Variants in CCDC91 observed in about 807,000 individuals in gnomAD.
The protein encoded by CCDC91 is coiled-coil domain-containing protein 91.
Under a neutral mutation model 63.2 loss-of-function variants are expected in CCDC91, and 48 were observed. That is an observed-to-expected ratio of 0.76 (90% CI 0.60 to 0.97). The LOEUF (loss-of-function observed/expected upper bound fraction) is 0.97. Ranked by LOEUF, CCDC91 falls within the 50% of genes least tolerant of loss-of-function variation. The probability of loss-of-function intolerance (pLI) is 0.00; values close to 1 mark genes in which losing one functional copy is unlikely to be tolerated. For missense variants in CCDC91, 500 were observed against 494.6 expected (o/e 1.01, Z -0.10); for synonymous variants, 167 against 165.8 (o/e 1.01, Z -0.06).
chr12:28,456,327 A>G (rs1477129835), intron 11 of CCDC91, among the ~76,000 whole-genome samples: 1 of 152,114 alleles, frequency 6.6e-6, no homozygotes, highest in Non-Finnish European at 1.5e-5. Context: ...CTAGGAAGAA[A>G]AAGTTTGGGG....
chr12:28,407,964 A>ATT (rs752189980), intron 8 of CCDC91, among the ~76,000 whole-genome samples: 16 of 127,166 alleles, frequency 1.3e-4, no homozygotes, highest in African/African-American at 4.3e-4. Context: ...ATATATATAT[A>ATT]TTTTTTTTAT....
intron 1 of CCDC91, among the ~76,000 whole-genome samples, chr12:28,246,714 A>G (rs768529183): frequency 6.6e-6 from 1 of 152,198 alleles, no homozygotes; most frequent in South Asian, 2.1e-4. Flanking sequence ...TTTTCAAGAA[A>G]TAGTGATAGA....
chr12:28,356,024 G>A (rs1278463478), intron 6 of CCDC91, among the ~76,000 whole-genome samples: 1 of 151,698 alleles, frequency 6.6e-6, no homozygotes, highest in African/African-American at 2.4e-5. Context: ...TATCATGTGT[G>A]TTTTTTTTCT....
intron 6 of CCDC91, among the ~76,000 whole-genome samples, chr12:28,336,050 T>C (rs1941955991): frequency 7.7e-6 from 1 of 129,318 alleles, no homozygotes; most frequent in African/African-American, 3.3e-5. Context: ...GAGAGTAAAT[T>C]TGAACTACTT....
At chr12:28,353,873 A>G (rs1242790168) in intron 6 of CCDC91, among the ~76,000 whole-genome samples, 2 of 152,146 alleles carry the variant, frequency 1.3e-5, no homozygotes, top group Admixed American at 1.3e-4. Flanking sequence ...TGGGGGAAAC[A>G]ACACACATTG....
intron 3 of CCDC91, among the ~76,000 whole-genome samples, chr12:28,280,379 G>A (rs1009340288): frequency 6.6e-6 from 1 of 151,656 alleles, no homozygotes; most frequent in African/African-American, 2.4e-5. Flanking sequence ...TCTGATGTTT[G>A]GATTTACCAT....
intron 1 of CCDC91, among the ~76,000 whole-genome samples, chr12:28,254,686 A>G (rs1422680337): frequency 6.6e-6 from 1 of 152,086 alleles, no homozygotes; most frequent in African/African-American, 2.4e-5. Context: ...ATTTCTCTAG[A>G]ATTATATGTT....
At chr12:28,357,621 A>G (rs1366123821) in intron 6 of CCDC91, among the ~76,000 whole-genome samples, 1 of 151,816 alleles carries the variant, frequency 6.6e-6, no homozygotes, top group African/African-American at 2.4e-5. Context: ...TCAAATAAGC[A>G]TTAGGGTGGC....
chr12:28,194,435 C>T (rs374351598), intron 1 of CCDC91, among the ~76,000 whole-genome samples: 8 of 152,142 alleles, frequency 5.3e-5, no homozygotes, highest in Non-Finnish European at 8.8e-5. Flanking sequence ...ATGGTGTGTC[C>T]GGAGTTTGTT....
chr12:28,194,946 G>C (rs1273959348), intron 1 of CCDC91, among the ~76,000 whole-genome samples: 4 of 152,208 alleles, frequency 2.6e-5, no homozygotes, highest in South Asian at 4.1e-4. Flanking sequence ...CATAAAGATA[G>C]TGCGGACCCA....
At chr12:28,342,367 T>A (rs1942490492) in intron 6 of CCDC91, among the ~76,000 whole-genome samples, 2 of 152,142 alleles carry the variant, frequency 1.3e-5, no homozygotes, top group South Asian at 4.1e-4. Flanking sequence ...AGTAATTTGT[T>A]ATGACAGCAA....
At chr12:28,241,995 C>CAAAAA (rs1209663723) in intron 1 of CCDC91, among the ~76,000 whole-genome samples, 8 of 41,334 alleles carry the variant, frequency 1.9e-4, no homozygotes, top group Non-Finnish European at 2.8e-4. Context: ...GACTCCTTCT[C>CAAAAA]AAAAAAAAAA....
intron 12 of CCDC91, among the ~76,000 whole-genome samples, chr12:28,512,798 A>G (rs1358681354): frequency 6.6e-6 from 1 of 151,904 alleles, no homozygotes; most frequent in Non-Finnish European, 1.5e-5. Flanking sequence ...GAATCAATAA[A>G]TGCCAAGTTG....
At chr12:28,384,431 T>A (rs986978394) in intron 7 of CCDC91, among the ~76,000 whole-genome samples, 1 of 152,142 alleles carries the variant, frequency 6.6e-6, no homozygotes, top group Non-Finnish European at 1.5e-5. Flanking sequence ...GCATGAATTA[T>A]CAGTTTCTAA....
chr12:28,384,872 A>C (rs779957270), intron 7 of CCDC91, among the ~76,000 whole-genome samples: 1 of 152,150 alleles, frequency 6.6e-6, no homozygotes, highest in Non-Finnish European at 1.5e-5. Flanking sequence ...TCATTTTTAC[A>C]AATGTACCTC....
At chr12:28,547,751 T>TGCTAAATATA (rs1188848578) in intron 12 of CCDC91, among the ~76,000 whole-genome samples, 3 of 152,148 alleles carry the variant, frequency 2.0e-5, no homozygotes, top group Non-Finnish European at 4.4e-5. Flanking sequence ...AGGAGCATTT[T>TGCTAAATATA]GCTAAATATA....
chr12:28,330,832 A>AT (rs1565808252), intron 6 of CCDC91, among the ~76,000 whole-genome samples: 1 of 152,186 alleles, frequency 6.6e-6, no homozygotes, highest in African/African-American at 2.4e-5. Flanking sequence ...GCTTATAACA[A>AT]TCCAGTGGGT....
intron 7 of CCDC91, among the ~76,000 whole-genome samples, chr12:28,387,213 T>C (rs1313950562): frequency 4.6e-5 from 7 of 152,184 alleles, no homozygotes; most frequent in Admixed American, 4.6e-4. Context: ...TTTTGGAAAT[T>C]ACCTTATTTG....
At chr12:28,338,544 A>G (rs1331388420) in intron 6 of CCDC91, among the ~76,000 whole-genome samples, 1 of 152,166 alleles carries the variant, frequency 6.6e-6, no homozygotes, top group Non-Finnish European at 1.5e-5. Flanking sequence ...TGCAAATAAT[A>G]GAGAGATACC....
Sources: gnomAD v4.1 joint callset for allele counts (sites outside exome capture counted in the v4.1 genomes callset) on GRCh38, gnomAD v4.1.1 for gene constraint, MANE v1.5 for transcripts, NCBI Gene and HGNC (gene_info 2026-07-23, HGNC 2026-07-21) for gene names.